The following AFF2 variants were observed in gnomAD, a reference collection of about 807,000 sequenced individuals.
The protein encoded by AFF2 is ALF transcription elongation factor 2, also known as AF4/FMR2 family member 2.
Under a neutral mutation model 76.9 loss-of-function variants are expected in AFF2, and 14 were observed. The ratio of observed to expected loss-of-function variants is 0.18; its 90% CI spans 0.12 to 0.28. The LOEUF is 0.28. Ranked by LOEUF, AFF2 falls within the 10% of genes least tolerant of loss-of-function variation. AFF2 has a pLI of 1.00. For synonymous variants in AFF2, 398 were observed against 366.7 expected, an observed-to-expected ratio of 1.09 and a Z score of -0.98; for missense variants, 868 against 1,001.1, an observed-to-expected ratio of 0.87 and a Z score of 1.79.
intron 4 of AFF2, among the ~76,000 whole-genome samples, chrX:148,828,677 G>C (rs1174437799): frequency 8.9e-6 from 1 of 112,154 alleles, no homozygotes; most frequent in Non-Finnish European, 1.9e-5. Context: ...TATCACTATA[G>C]TGTTCTGTTC....
At chrX:148,732,909 C>T (rs903907887) in intron 3 of AFF2, among the ~76,000 whole-genome samples, 4 of 111,523 alleles carry the variant, frequency 3.6e-5, no homozygotes, top group African/African-American at 1.3e-4. Flanking sequence ...AGCCAACTCT[C>T]TTATTCAAAC....
intron 1 of AFF2, among the ~76,000 whole-genome samples, chrX:148,546,514 C>T (rs1557238187): frequency 4.4e-5 from 5 of 112,373 alleles, no homozygotes; most frequent in African/African-American, 1.6e-4. Context: ...ATCACTTCCC[C>T]ATCGTAGTAG....
intron 3 of AFF2, among the ~76,000 whole-genome samples, chrX:148,755,249 C>T (rs1056617649): frequency 8.9e-6 from 1 of 112,176 alleles, no homozygotes; most frequent in African/African-American, 3.2e-5. Context: ...GTTTTCAAAT[C>T]ATCGTGACGC....
At chrX:148,751,141 A>G (rs1569554855) in intron 3 of AFF2, among the ~76,000 whole-genome samples, 1 of 112,666 alleles carries the variant, frequency 8.9e-6, no homozygotes, top group South Asian at 3.7e-4. Flanking sequence ...CCCATAAGTA[A>G]TAATTCTGTG....
chrX:148,823,483 A>T (rs1557272731), intron 4 of AFF2, among the ~76,000 whole-genome samples: 1 of 112,078 alleles, frequency 8.9e-6, no homozygotes, highest in Non-Finnish European at 1.9e-5. Context: ...AGTTCTCATT[A>T]GTTACATGTG....
At chrX:148,621,911 A>G (rs1247995470) in intron 1 of AFF2, among the ~76,000 whole-genome samples, 1 of 112,083 alleles carries the variant, frequency 8.9e-6, no homozygotes, top group East Asian at 2.8e-4. Flanking sequence ...ACTTTAGTCT[A>G]TTATGCATGA....
At chrX:148,818,308 G>A (rs189072563) in intron 4 of AFF2, among the ~76,000 whole-genome samples, 111 of 111,975 alleles carry the variant, frequency 9.9e-4, no homozygotes, top group African/African-American at 3.4e-3. Flanking sequence ...TACATATAAA[G>A]CAAGCAACTA....
At chrX:148,934,814 C>T (rs2071753538) in intron 9 of AFF2, among the ~76,000 whole-genome samples, 2 of 111,757 alleles carry the variant, frequency 1.8e-5, no homozygotes, top group African/African-American at 6.5e-5. Flanking sequence ...CCATCACCAT[C>T]ACCATCATCA....
chrX:148,716,011 C>CTG (rs2055021230), intron 3 of AFF2, among the ~76,000 whole-genome samples: 1 of 111,496 alleles, frequency 9.0e-6, no homozygotes, highest in Non-Finnish European at 1.9e-5. Context: ...CTCTCTCTCT[C>CTG]TCTGTGTGTG....
chrX:148,546,078 C>G (rs2052917776), intron 1 of AFF2, among the ~76,000 whole-genome samples: 1 of 111,980 alleles, frequency 8.9e-6, no homozygotes, highest in Admixed American at 9.4e-5. Context: ...TATTGCTGTA[C>G]ATAAAAAATG....
chrX:148,506,617 C>T (rs1194366758), intron 1 of AFF2, among the ~76,000 whole-genome samples: 2 of 110,326 alleles, frequency 1.8e-5, no homozygotes, highest in Non-Finnish European at 3.8e-5. Context: ...ATCTCAAGTC[C>T]TTGAGAATTG....
intron 5 of AFF2, among the ~76,000 whole-genome samples, chrX:148,841,535 T>C (rs1268513295): frequency 4.5e-5 from 5 of 112,117 alleles, no homozygotes; most frequent in African/African-American, 1.3e-4. Flanking sequence ...TGTAATATTA[T>C]ACTATGCTGC....
At chrX:148,750,767 G>A (rs782109384) in intron 3 of AFF2, among the ~76,000 whole-genome samples, 146 of 112,134 alleles carry the variant, frequency 1.3e-3, no homozygotes, top group African/African-American at 4.4e-3. Flanking sequence ...TTAAAAAAAT[G>A]AGATGGTGAA....
chrX:148,522,917 C>T (rs1396230247), intron 1 of AFF2, among the ~76,000 whole-genome samples: 2 of 112,411 alleles, frequency 1.8e-5, no homozygotes, highest in African/African-American at 6.5e-5. Flanking sequence ...TGTGGGCATG[C>T]AAACACTAAT....
Position 148,581,138 on chromosome X carries a change from TAC to T in AFF2, c.48-70855_48-70854del, listed in dbSNP as rs1425006535. On this transcript the variant is annotated intron_variant, in intron 1 of 20. Transcript: ENST00000370460. ...GTATACACACATATACGTATACGTA[TAC>T]ACACATATACATATACGTATACACA... is the stretch of plus-strand genomic sequence containing the variant. Among the ~76,000 whole-genome samples the T allele has an allele frequency of 1.8e-3, 155 of 86,524 alleles. 1 individual carries two copies. Among genetic ancestry groups the T allele is most frequent in the African/African-American group, 5.7e-3 (151 of 26,494 alleles). The allele number at this position is 86,524 out of a possible 115,157, so 75.1% of individuals were successfully genotyped here.
At chrX:148,771,359 C>G (rs2069585447) in intron 3 of AFF2, among the ~76,000 whole-genome samples, 1 of 111,735 alleles carries the variant, frequency 8.9e-6, no homozygotes, top group African/African-American at 3.3e-5. Flanking sequence ...GAAGAAAATA[C>G]CAGTTTTCAA....
chrX:148,915,239 G>A (rs2124244004), intron 9 of AFF2, among the ~76,000 whole-genome samples: 1 of 112,017 alleles, frequency 8.9e-6, no homozygotes, highest in South Asian at 3.7e-4. Flanking sequence ...TACAGCATAG[G>A]GGTATATTAC....
chrX:148,685,185 GA>G (rs2054589522), intron 3 of AFF2, among the ~76,000 whole-genome samples: 1 of 111,873 alleles, frequency 8.9e-6, no homozygotes, highest in Non-Finnish European at 1.9e-5. Context: ...AGTGAGAAGT[GA>G]TCTGCTAGGT....
Position 148,997,953 on chromosome X carries a change from G to T in AFF2, c.*6621G>T, listed in dbSNP as rs1472214890. The T allele has an allele frequency of 8.9e-6, 1 of 112,555 alleles. No individual in the cohort carries two copies. Among genetic ancestry groups the T allele is most frequent in the East Asian group, 2.8e-4 (1 of 3,620 alleles). The allele number at this position is 112,555 out of a possible 1,213,427, so 9.3% of individuals were successfully genotyped here. Reference sequence around the variant, plus strand: ...CTACTTACTGGATATTTTAGAAAGAGAAATGTCTGAGATAAAATCCCTCAC... The same window carrying T: ...CTACTTACTGGATATTTTAGAAAGATAAATGTCTGAGATAAAATCCCTCAC... On this transcript the variant is annotated 3_prime_UTR_variant, in exon 21 of 21. Coordinates refer to ENST00000370460, the MANE Select transcript of AFF2 (RefSeq NM_002025.4).
Sources: allele counts gnomAD v4.1 joint callset (sites outside exome capture counted in the v4.1 genomes callset), GRCh38; gene constraint gnomAD v4.1.1; transcripts MANE v1.5; gene names NCBI Gene and HGNC (gene_info 2026-07-23, HGNC 2026-07-21).